The following ARFGEF3 variants were observed in gnomAD, a reference collection of about 807,000 sequenced individuals.
The protein encoded by ARFGEF3 is brefeldin A-inhibited guanine nucleotide-exchange protein 3.
ARFGEF3 carries 96 observed loss-of-function variants against 221.7 expected under a neutral mutation model. That is an observed-to-expected ratio of 0.43 (90% CI 0.37 to 0.51). The LOEUF (loss-of-function observed/expected upper bound fraction) is 0.51, where lower values mean the gene tolerates loss of function less well. Among genes scored for constraint, ARFGEF3 ranks in the 20% least tolerant of loss-of-function variants. ARFGEF3 has a pLI of 0.00. For synonymous variants in ARFGEF3, 1,145 were observed against 1,126.8 expected (o/e 1.02, Z -0.32); for missense variants, 2,410 against 2,789.9 (o/e 0.86, Z 3.07).
At chr6:138,279,876 A>T in intron 13 of ARFGEF3, 123 bp from the exon 14 acceptor site, 1 of 909,132 alleles carries the variant, frequency 1.1e-6, no homozygotes, top group Non-Finnish European at 1.7e-6. Flanking sequence ...CCGCCCCCTT[A>T]CCCAATACAC....
chr6:138,223,308 A>G (rs1322872179), intron 4 of ARFGEF3, among the ~76,000 whole-genome samples: 3 of 152,212 alleles, frequency 2.0e-5, no homozygotes, highest in African/African-American at 4.8e-5. Context: ...AACTTTATGA[A>G]GTTTAAAGCC....
In ARFGEF3 at chr6:138,162,079, A is replaced by G. The variant is rs1312683177; in HGVS notation, c.-8A>G. The G allele has an allele frequency of 1.3e-6, 2 of 1,576,280 alleles. No homozygotes were observed. Among genetic ancestry groups the G allele is most frequent in the Non-Finnish European group, 8.6e-7 (1 of 1,161,236 alleles). ...TGTGGGCGGCGGCCCGGCGCCTGGA[A>G]GGTCAAGATGGAAGAAATCCTGAGG... is the stretch of plus-strand genomic sequence containing the variant. On this transcript the variant is annotated 5_prime_UTR_variant, in exon 1 of 34. Transcript: ENST00000251691. This position sits in a 1 kb window ranked among gnomAD's most constrained non-coding sequence, Gnocchi z 4.7.
chr6:138,291,358 C>T lies in ARFGEF3; in HGVS notation c.3048-375C>T, dbSNP rs1335397371. Among the ~76,000 whole-genome samples, 2 of 152,092 alleles carry T rather than the reference C, an allele frequency of 1.3e-5. No homozygotes were observed. The highest frequency in any genetic ancestry group is 4.8e-5 in the African/African-American group (2 of 41,414). ...CGCTTCCCAACTCCTAATCAGAGCA[C>T]TATATGGAGGGAAAGAGGGTGCCTG... On this transcript the variant is annotated intron_variant, in intron 18 of 33. Coordinates refer to ENST00000251691, the MANE Select transcript of ARFGEF3 (RefSeq NM_020340.5). The surrounding 1 kb of genome is among the most constrained non-coding windows in gnomAD (Gnocchi z 4.5).
chr6:138,208,449 T>G (rs1253167352), intron 3 of ARFGEF3, among the ~76,000 whole-genome samples: 1 of 152,178 alleles, frequency 6.6e-6, no homozygotes, highest in African/African-American at 2.4e-5. Context: ...GTTTGAAATA[T>G]TATTTTCAAG....
chr6:138,276,341 C>G (rs1583044701), intron 12 of ARFGEF3, among the ~76,000 whole-genome samples: 1 of 152,190 alleles, frequency 6.6e-6, no homozygotes, highest in African/African-American at 2.4e-5. Context: ...ATGTTTTCAC[C>G]CCAAGCTCCC....
At chr6:138,283,287 C>T (rs948771803) in intron 14 of ARFGEF3, among the ~76,000 whole-genome samples, 2 of 152,086 alleles carry the variant, frequency 1.3e-5, no homozygotes, top group Non-Finnish European at 2.9e-5. Flanking sequence ...CTCTCTTGCC[C>T]GGACCTTAAT....
intron 26 of ARFGEF3, among the ~76,000 whole-genome samples, chr6:138,316,472 A>G (rs940854585): frequency 6.6e-6 from 1 of 152,164 alleles, no homozygotes; most frequent in Non-Finnish European, 1.5e-5. Context: ...TACAGAACTA[A>G]ACAGAATAAT....
At position 138,341,611 on chromosome 6, in the gene ARFGEF3, G is replaced by C. The variant is rs968089632; in HGVS notation, c.*5125G>C. ...GATTTGTAAAATTGATCAAGAACTTGATTTATAATTATGCCTCAAAAAAAA... is the reference window on the plus strand; with the variant it reads ...GATTTGTAAAATTGATCAAGAACTTCATTTATAATTATGCCTCAAAAAAAA... On this transcript the variant is annotated 3_prime_UTR_variant, in exon 34 of 34. Coordinates refer to ENST00000251691, the MANE Select transcript of ARFGEF3 (RefSeq NM_020340.5). The C allele has an allele frequency of 4.6e-5, 7 of 152,296 alleles. No homozygotes were observed. Among genetic ancestry groups the C allele is most frequent in the Middle Eastern group, 6.6e-3 (2 of 302 alleles). 9.4% of individuals were successfully genotyped at this position (152,296 alleles called of 1,614,324 possible). A position where few individuals can be genotyped will look rare whatever the true frequency, so the allele number is the denominator to read the frequency against.
intron 19 of ARFGEF3, 94 bp downstream of exon 19, chr6:138,292,147 G>C: frequency 9.4e-7 from 1 of 1,059,580 alleles, no homozygotes; most frequent in African/African-American, 1.7e-5. Flanking sequence ...CGACCCATTT[G>C]TTAGCCAATC....
At chr6:138,265,050 C>T (rs1024290914) in intron 12 of ARFGEF3, among the ~76,000 whole-genome samples, 2 of 151,856 alleles carry the variant, frequency 1.3e-5, no homozygotes, top group African/African-American at 4.8e-5. Flanking sequence ...ACTACAGGCG[C>T]CCACCACCAC....
intron 5 of ARFGEF3, among the ~76,000 whole-genome samples, chr6:138,230,507 T>G (rs1778171740): frequency 6.6e-6 from 1 of 152,232 alleles, no homozygotes; most frequent in South Asian, 2.1e-4. Flanking sequence ...CTACAGGATT[T>G]GTATGTTCTG....
At position 138,317,349 on chromosome 6, in the gene ARFGEF3, G is replaced by C; in HGVS notation, c.4444G>C (p.Glu1482Gln). ...ACCACCAACTCTGGATTTACTCTTT[G>C]AGCTGTTGAGAGATGTGACGAAAAC... ...HQPPTLDLLF[E>Q]LLRDVTKTPG... The change falls in exon 27 of 34, where the codon GAG becomes CAG. Residue 1482 changes from glutamate (E) to glutamine (Q), a missense_variant. Glu to Gln is a conservative substitution (Grantham distance 29). Around this residue, in one of 5 missense-constraint regions of ARFGEF3, gnomAD observed 723 missense variants for 991.9 expected, o/e 0.73. Coordinates refer to ENST00000251691, the MANE Select transcript of ARFGEF3 (RefSeq NM_020340.5). 6.2e-7 allele frequency: 1 copy of C among 1,613,968 alleles called. No individual in the cohort carries two copies. Among genetic ancestry groups the C allele is most frequent in the Non-Finnish European group, 8.5e-7 (1 of 1,179,890 alleles).
At chr6:138,297,966 C>T (rs372953829) in intron 21 of ARFGEF3, among the ~76,000 whole-genome samples, 1 of 152,178 alleles carries the variant, frequency 6.6e-6, no homozygotes, top group African/African-American at 2.4e-5. Context: ...GACTAGACTC[C>T]AGCAGACCAG....
chr6:138,334,594 C>T lies in ARFGEF3; in HGVS notation c.5748C>T (p.Ile1916=). Residue 1916 remains isoleucine, a synonymous_variant, in exon 33 of 34, where the codon ATC becomes ATT. Transcript: ENST00000251691. This position sits in a 1 kb window ranked among gnomAD's most constrained non-coding sequence, Gnocchi z 5.1. ...KLCMELCNNY[I]QMHLDLENCM... ...GCATGGAACTGTGCAACAACTACAT[C>T]CAGATGCACTTGGACCTGGAGAACT... is the stretch of plus-strand genomic sequence containing the variant. 1 of 1,613,694 alleles carries T rather than the reference C, an allele frequency of 6.2e-7. No individual in the cohort carries two copies. Among genetic ancestry groups the T allele is most frequent in the South Asian group, 1.1e-5 (1 of 91,080 alleles).
At chr6:138,307,496 T>C in intron 23 of ARFGEF3, 99 bp downstream of exon 23, 1 of 1,093,798 alleles carries the variant, frequency 9.1e-7, no homozygotes, top group East Asian at 2.4e-5. Context: ...GAAGACAGAT[T>C]GTCAGCCATG....
intron 4 of ARFGEF3, chr6:138,217,860 C>G (rs962388897): frequency 7.6e-7 from 1 of 1,315,812 alleles, no homozygotes; most frequent in Admixed American, 2.9e-5. Context: ...TCATCAAATT[C>G]TTTTCATAAG....
rs773100403 is a variant in ARFGEF3 at position 138,292,013 on chromosome 6, G to A, written c.3328G>A (p.Ala1110Thr). ...CGGGAGCCTCATGAGCGGGAGCAGC[G>A]CGGCCAAGGTGGTGCTCACCCTCTC... Reference protein sequence around the residue: ...RGGSLMSGSSAAKVVLTLSTQ... With the variant: ...RGGSLMSGSSTAKVVLTLSTQ... Residue 1110 changes from alanine to threonine, a missense_variant, in exon 19 of 34, where the codon GCG becomes ACG. Around this residue, in one of 5 missense-constraint regions of ARFGEF3, gnomAD observed 184 missense variants for 141.8 expected, o/e 1.30. Transcript: ENST00000251691. 6.0e-5 allele frequency: 92 copies of A among 1,522,430 alleles called. No homozygotes were observed. Among genetic ancestry groups the A allele is most frequent in the Non-Finnish European group, 7.5e-5 (86 of 1,140,370 alleles). The allele number at this position is 1,522,430 out of a possible 1,614,324, so 94.3% of individuals were successfully genotyped here. A position where few individuals can be genotyped will look rare whatever the true frequency, so the allele number is the denominator to read the frequency against.
At chr6:138,242,644 C>G (rs1778413774) in intron 6 of ARFGEF3, among the ~76,000 whole-genome samples, 1 of 152,206 alleles carries the variant, frequency 6.6e-6, no homozygotes, top group Admixed American at 6.5e-5. Context: ...ATCTTGGAAT[C>G]CTGCGAGTTT....
chr6:138,314,031 A>G, intron 26 of ARFGEF3, 92 bp downstream of exon 26: 1 of 1,322,202 alleles, frequency 7.6e-7, no homozygotes, highest in African/African-American at 1.5e-5. Context: ...AGCTTCTGGG[A>G]ATTGTCTTAG....
Sources: gnomAD v4.1 joint callset for allele counts (sites outside exome capture counted in the v4.1 genomes callset) on GRCh38, gnomAD v4.1.1 for gene constraint, gnomAD v4.1.1 regional missense constraint, Gnocchi (gnomAD v3.1) non-coding constraint, MANE v1.5 for transcripts, NCBI Gene and HGNC (gene_info 2026-07-23, HGNC 2026-07-21) for gene names.